The following RBFOX1 variants were observed in gnomAD, a reference collection of about 807,000 sequenced individuals.
RBFOX1 encodes RNA binding fox-1 homolog 1, also known as RNA binding protein fox-1 homolog 1.
Under a neutral mutation model 57.7 loss-of-function variants are expected in RBFOX1, and 8 were observed. The observed-to-expected ratio is 0.14, with a 90% confidence interval of 0.08 to 0.25. The LOEUF is 0.25. Ranked by LOEUF, RBFOX1 falls within the 10% of genes least tolerant of loss-of-function variation. RBFOX1 has a pLI of 1.00. For synonymous variants in RBFOX1, 326 were observed against 222.4 expected (o/e 1.47, Z -4.15); for missense variants, 611 against 548.5 (o/e 1.11, Z -1.14).
intron 3 of RBFOX1, among the ~76,000 whole-genome samples, chr16:5,824,326 A>G (rs2055960931): frequency 6.6e-6 from 1 of 151,982 alleles, no homozygotes; most frequent in African/African-American, 2.4e-5. Flanking sequence ...TTTTTTGGTC[A>G]CCCAAGTGTG....
chr16:6,637,089 C>T (rs2098443162), intron 2 of RBFOX1, among the ~76,000 whole-genome samples: 1 of 35,320 alleles, frequency 2.8e-5, no homozygotes. Context: ...ATATATAATA[C>T]ATATTAAATA....
Position 6,574,403 on chromosome 16 carries a change from G to A in RBFOX1, c.-63-80200G>A, listed in dbSNP as rs375010087. On this transcript the variant is annotated intron_variant, in intron 2 of 15. Coordinates refer to ENST00000550418, the MANE Select transcript of RBFOX1 (RefSeq NM_018723.4). The stretch of plus-strand genomic sequence containing the variant: ...GAGGGGGCGGAACTCGGTGTAGCAA[G>A]GGTTTCTGTCCGTATCTTCTATTTT... Among the ~76,000 whole-genome samples the A allele has an allele frequency of 6.7e-4, 101 of 150,842 alleles. No homozygotes were observed. In the East Asian group the frequency reaches 0.015, roughly 23 times the overall value.
chr16:7,003,096 A>G lies in RBFOX1; in HGVS notation c.-15-48961A>G, dbSNP rs191631577. On this transcript the variant is annotated intron_variant, in intron 3 of 15. Transcript: ENST00000550418. ...TACAATCAGGCCATGATTTACAAAG[A>G]ATAGTCTTGCAGGAGCATTGCGTAA... 3.2e-3 allele frequency among the ~76,000 whole-genome samples: 480 copies of G among 152,198 alleles called. 1 individual carries two copies. Among genetic ancestry groups the G allele is most frequent in the Non-Finnish European group, 4.2e-3 (289 of 68,014 alleles).
intron 1 of RBFOX1, among the ~76,000 whole-genome samples, chr16:6,186,921 C>T (rs961004601): frequency 6.6e-6 from 1 of 152,146 alleles, no homozygotes; most frequent in Admixed American, 6.5e-5. Context: ...TCAATACTCT[C>T]GTGGTTCAAG....
intron 3 of RBFOX1, among the ~76,000 whole-genome samples, chr16:5,775,472 C>T (rs1363829549): frequency 6.6e-6 from 1 of 152,196 alleles, no homozygotes; most frequent in African/African-American, 2.4e-5. Context: ...GTGGAAACAC[C>T]TATGTGTTCA....
At chr16:7,600,933 G>C (rs4035358) in intron 9 of RBFOX1, among the ~76,000 whole-genome samples, 1,746 of 152,294 alleles carry the variant, frequency 0.011, 38 homozygotes, top group African/African-American at 0.04. Context: ...TCCACAAAGA[G>C]GGGATTGGAC....
At chr16:5,772,120 C>T (rs1023283497) in intron 3 of RBFOX1, among the ~76,000 whole-genome samples, 2 of 151,840 alleles carry the variant, frequency 1.3e-5, no homozygotes, top group Admixed American at 6.6e-5. Flanking sequence ...TGCAATGAGC[C>T]GAGATCACAC....
At chr16:6,604,855 C>G (rs978837996) in intron 2 of RBFOX1, among the ~76,000 whole-genome samples, 17 of 152,132 alleles carry the variant, frequency 1.1e-4, no homozygotes, top group African/African-American at 3.6e-4. Flanking sequence ...AGTAAATGAG[C>G]TTGGGCCTGG....
intron 4 of RBFOX1, among the ~76,000 whole-genome samples, chr16:7,097,237 G>C (rs1290643308): frequency 2.0e-5 from 3 of 152,136 alleles, no homozygotes; most frequent in African/African-American, 7.2e-5. Context: ...GAGGATGCTA[G>C]GGAGGTGTGG....
chr16:5,269,605 C>A (rs2062954172), intron 1 of RBFOX1, among the ~76,000 whole-genome samples: 1 of 152,166 alleles, frequency 6.6e-6, no homozygotes, highest in Non-Finnish European at 1.5e-5. Flanking sequence ...AGATCACATT[C>A]TACATGATTT....
intron 4 of RBFOX1, among the ~76,000 whole-genome samples, chr16:7,436,811 C>T (rs1357999251): frequency 6.6e-6 from 1 of 152,168 alleles, no homozygotes; most frequent in Non-Finnish European, 1.5e-5. Context: ...CCTGCAATCC[C>T]AGCACTTTGG....
At chr16:6,664,632 G>A (rs890583508) in intron 3 of RBFOX1, among the ~76,000 whole-genome samples, 1 of 152,170 alleles carries the variant, frequency 6.6e-6, no homozygotes. Flanking sequence ...TTTTTACTGA[G>A]ACTGGGGACC....
chr16:6,624,623 G>A (rs906912200), intron 2 of RBFOX1, among the ~76,000 whole-genome samples: 1 of 152,032 alleles, frequency 6.6e-6, no homozygotes, highest in Non-Finnish European at 1.5e-5. Context: ...GTGCAGCTGT[G>A]TTTTATATGA....
intron 2 of RBFOX1, among the ~76,000 whole-genome samples, chr16:6,337,939 A>G (rs1462641313): frequency 6.6e-6 from 1 of 152,184 alleles, no homozygotes; most frequent in Non-Finnish European, 1.5e-5. Context: ...ATGCATGCCA[A>G]ATCACTAAGT....
At chr16:6,136,172 G>C (rs2096665759) in intron 1 of RBFOX1, among the ~76,000 whole-genome samples, 1 of 152,192 alleles carries the variant, frequency 6.6e-6, no homozygotes, top group Middle Eastern at 3.4e-3. Flanking sequence ...ACCTATTAGA[G>C]GAAGTCTTCT....
intron 3 of RBFOX1, among the ~76,000 whole-genome samples, chr16:6,971,161 G>A (rs2085448683): frequency 6.6e-6 from 1 of 152,212 alleles, no homozygotes; most frequent in African/African-American, 2.4e-5. Context: ...TACATAGGAA[G>A]GAAATTATTG....
intron 2 of RBFOX1, among the ~76,000 whole-genome samples, chr16:6,560,942 C>A (rs540268790): frequency 1.3e-5 from 2 of 152,288 alleles, no homozygotes; most frequent in African/African-American, 4.8e-5. Flanking sequence ...GCATTCATCC[C>A]TCAGAGGCAT....
intron 3 of RBFOX1, chr16:6,773,972 C>T: frequency 2.0e-6 from 2 of 985,312 alleles, no homozygotes; most frequent in South Asian, 4.7e-5. Flanking sequence ...TCATGGTCCT[C>T]CCGTTTTCAA....
At chr16:5,704,018 G>A (rs1195009645) in intron 3 of RBFOX1, among the ~76,000 whole-genome samples, 3 of 152,152 alleles carry the variant, frequency 2.0e-5, no homozygotes, top group African/African-American at 7.2e-5. Context: ...TACCTTCAGA[G>A]ATTAGAGCAA....
Sources: allele counts gnomAD v4.1 joint callset (sites outside exome capture counted in the v4.1 genomes callset), GRCh38; gene constraint gnomAD v4.1.1; transcripts MANE v1.5; gene names NCBI Gene and HGNC (gene_info 2026-07-23, HGNC 2026-07-21).